The following PAPPA variants were observed in gnomAD, a reference collection of about 807,000 sequenced individuals.
PAPPA encodes pappalysin 1.
In PAPPA, 60 loss-of-function variants were observed where a neutral mutation model predicts 164.0. That is an observed-to-expected ratio of 0.37 (90% CI 0.30 to 0.45). PAPPA has a LOEUF of 0.45. Ranked by LOEUF, PAPPA falls within the 20% of genes least tolerant of loss-of-function variation. The probability of loss-of-function intolerance (pLI) is 1.00; values close to 1 mark genes in which losing one functional copy is unlikely to be tolerated. For synonymous variants in PAPPA, 875 were observed against 814.1 expected (o/e 1.07, Z -1.27); for missense variants, 1,782 against 2,087.3 (o/e 0.85, Z 2.85).
rs1266997743 is a variant in PAPPA at position 116,235,747 on chromosome 9, A to G, written c.2732+110A>G. The G allele has an allele frequency of 3.9e-6, 4 of 1,027,858 alleles. No homozygotes were observed. In the African/African-American group the frequency reaches 6.3e-5, roughly 16 times the overall value. 63.7% of individuals were successfully genotyped at this position (1,027,858 alleles called of 1,614,324 possible). Reference sequence around the variant, plus strand: ...GGAAGGTTCATCACAGTCAAGACTCACTCTATGGATTGTAACCCATCATTG... The same window carrying G: ...GGAAGGTTCATCACAGTCAAGACTCGCTCTATGGATTGTAACCCATCATTG... On this transcript the variant is annotated intron_variant, in intron 7 of 21. Transcript: ENST00000328252.
At chr9:116,274,210 T>C (rs888652271) in intron 9 of PAPPA, among the ~76,000 whole-genome samples, 1 of 152,194 alleles carries the variant, frequency 6.6e-6, no homozygotes, top group Non-Finnish European at 1.5e-5. Context: ...GTGGACAGTG[T>C]CTAGGGAAGG....
chr9:116,369,137 C>A (rs1049824961), intron 19 of PAPPA, among the ~76,000 whole-genome samples: 1 of 152,046 alleles, frequency 6.6e-6, no homozygotes, highest in African/African-American at 2.4e-5. Context: ...TCCTTTCCAT[C>A]ATCCACTGTT....
At chr9:116,224,554 A>G (rs1481402141) in intron 5 of PAPPA, among the ~76,000 whole-genome samples, 5 of 152,198 alleles carry the variant, frequency 3.3e-5, no homozygotes, top group African/African-American at 7.2e-5. Flanking sequence ...TTTTAGTTTC[A>G]TAGGAGACAA....
chr9:116,352,310 G>A (rs1373043995), intron 15 of PAPPA, among the ~76,000 whole-genome samples: 1 of 152,222 alleles, frequency 6.6e-6, no homozygotes, highest in African/African-American at 2.4e-5. Flanking sequence ...AGAATTTGCT[G>A]TAGTTTCTGG....
At chr9:116,177,192 A>G (rs1843847385) in intron 1 of PAPPA, among the ~76,000 whole-genome samples, 1 of 152,144 alleles carries the variant, frequency 6.6e-6, no homozygotes, top group Admixed American at 6.5e-5. Flanking sequence ...ATGCACTTTG[A>G]AAAGTGTTCT....
At chr9:116,388,239 G>C (rs1167979298) in intron 21 of PAPPA, among the ~76,000 whole-genome samples, 1 of 152,200 alleles carries the variant, frequency 6.6e-6, no homozygotes, top group East Asian at 1.9e-4. Context: ...GACAGGAAGG[G>C]GCAGGACTCA....
chr9:116,307,801 C>A (rs1845666274), intron 10 of PAPPA, among the ~76,000 whole-genome samples: 1 of 152,018 alleles, frequency 6.6e-6, no homozygotes, highest in Non-Finnish European at 1.5e-5. Context: ...TCTTAAATTC[C>A]ATTCTGACAT....
intron 7 of PAPPA, among the ~76,000 whole-genome samples, chr9:116,245,893 T>C (rs904489000): frequency 4.6e-5 from 7 of 152,186 alleles, no homozygotes; most frequent in Non-Finnish European, 1.0e-4. Context: ...AGTAACAGAA[T>C]CTTTTTCCAT....
chr9:116,154,147 A>AGGGGGGGGAG lies in PAPPA; in HGVS notation c.-19_-18insGAGGGGGGGG. ...GCTCCGGGTGGCGGTGCAGGGGCGAAGGGGGGGCGGGGGGAACCGTCGGAC... is the reference window on the plus strand; with the variant it reads ...GCTCCGGGTGGCGGTGCAGGGGCGAAGGGGGGGGAGGGGGGGGCGGGGGGAACCGTCGGAC... On this transcript the variant is annotated 5_prime_UTR_variant, in exon 1 of 22. Coordinates refer to ENST00000328252, the MANE Select transcript of PAPPA (RefSeq NM_002581.5). The surrounding 1 kb of genome is among the most constrained non-coding windows in gnomAD (Gnocchi z 5.2). The AGGGGGGGGAG allele has an allele frequency of 2.9e-6, 1 of 340,146 alleles. No homozygotes were observed. The highest frequency in any genetic ancestry group is 4.1e-6 in the Non-Finnish European group (1 of 246,408). The allele number at this position is 340,146 out of a possible 1,614,324, so 21.1% of individuals were successfully genotyped here. A position where few individuals can be genotyped will look rare whatever the true frequency, so the allele number is the denominator to read the frequency against.
chr9:116,154,993 C>T lies in PAPPA; in HGVS notation c.415+406C>T, dbSNP rs1453824336. The stretch of plus-strand genomic sequence containing the variant: ...ACTTGGGGACCGTTGATTTCTTTGA[C>T]GTTTTAATGGAGGTAACTCCCCTTC... On this transcript the variant is annotated intron_variant, in intron 1 of 21. Transcript: ENST00000328252. The surrounding 1 kb of genome is among the most constrained non-coding windows in gnomAD (Gnocchi z 5.2). 6.6e-6 allele frequency among the ~76,000 whole-genome samples: 1 copy of T among 152,204 alleles called. No homozygotes were observed. The highest frequency in any genetic ancestry group is 1.5e-5 in the Non-Finnish European group (1 of 68,030).
intron 10 of PAPPA, among the ~76,000 whole-genome samples, chr9:116,308,500 G>A (rs1021964061): frequency 6.6e-6 from 1 of 152,156 alleles, no homozygotes; most frequent in Non-Finnish European, 1.5e-5. Context: ...GGACACAAAG[G>A]CTCAGAGAGC....
At chr9:116,161,633 G>T (rs1465255504) in intron 1 of PAPPA, among the ~76,000 whole-genome samples, 1 of 150,280 alleles carries the variant, frequency 6.7e-6, no homozygotes, top group Non-Finnish European at 1.5e-5. Flanking sequence ...TAATTTGTTA[G>T]AAATGCATAC....
At chr9:116,352,584 G>A in intron 15 of PAPPA, 122 bp from the exon 16 acceptor site, 1 of 761,008 alleles carries the variant, frequency 1.3e-6, no homozygotes, top group Non-Finnish European at 2.3e-6. Context: ...AGTAGAAGGG[G>A]TTGGAATTCC....
At chr9:116,291,326 A>G (rs1201282826) in intron 9 of PAPPA, among the ~76,000 whole-genome samples, 1 of 152,186 alleles carries the variant, frequency 6.6e-6, no homozygotes, top group Non-Finnish European at 1.5e-5. Flanking sequence ...ATGGTGAGGC[A>G]TGATGTCTCA....
At chr9:116,327,452 G>A (rs540619979) in intron 10 of PAPPA, among the ~76,000 whole-genome samples, 1 of 152,232 alleles carries the variant, frequency 6.6e-6, no homozygotes, top group South Asian at 2.1e-4. Context: ...AGAGCTTAGG[G>A]GTGATGGTAG....
intron 1 of PAPPA, among the ~76,000 whole-genome samples, chr9:116,176,624 TC>T (rs1843837754): frequency 6.6e-6 from 1 of 152,086 alleles, no homozygotes; most frequent in South Asian, 2.1e-4. Flanking sequence ...AAGATAAATA[TC>T]CCTCTCTCCT....
At chr9:116,235,735 C>T (rs1844656958) in intron 7 of PAPPA, 98 bp downstream of exon 7, 1 of 1,125,924 alleles carries the variant, frequency 8.9e-7, no homozygotes. Flanking sequence ...AGGTTCATCA[C>T]AGTCAAGACT....
intron 19 of PAPPA, among the ~76,000 whole-genome samples, chr9:116,376,021 AT>A (rs34549794): frequency 6.3e-4 from 86 of 135,672 alleles, no homozygotes; most frequent in Middle Eastern, 3.8e-3. Flanking sequence ...AACTTCCAGG[AT>A]TTTTTTTTTT....
chr9:116,369,237 A>C lies in PAPPA; in HGVS notation c.4605+1483A>C, dbSNP rs137991551. Among the ~76,000 whole-genome samples the C allele has an allele frequency of 5.9e-3, 896 of 151,762 alleles. 36 individuals are homozygous for C. Among genetic ancestry groups the C allele is most frequent in the Admixed American group, 0.054 (819 of 15,256 alleles). ...TCAAGCTCTTTCATCTGTTTCCTCC[A>C]CCATTCCTGAACCAGAATTCCTGCA... is the stretch of plus-strand genomic sequence containing the variant. On this transcript the variant is annotated intron_variant, in intron 19 of 21. Transcript: ENST00000328252.
Sources: gnomAD v4.1 joint callset for allele counts (sites outside exome capture counted in the v4.1 genomes callset) on GRCh38, gnomAD v4.1.1 for gene constraint, Gnocchi (gnomAD v3.1) non-coding constraint, MANE v1.5 for transcripts, NCBI Gene and HGNC (gene_info 2026-07-23, HGNC 2026-07-21) for gene names.